PPP6R2: variants seen among roughly 807,000 people sequenced by gnomAD.
PPP6R2 encodes serine/threonine-protein phosphatase 6 regulatory subunit 2.
A neutral mutation model predicts 100.2 loss-of-function variants in PPP6R2; 62 were observed. The ratio of observed to expected loss-of-function variants is 0.62; its 90% CI spans 0.50 to 0.76. The LOEUF (loss-of-function observed/expected upper bound fraction) is 0.76. Ranked by LOEUF, PPP6R2 falls within the 30% of genes least tolerant of loss-of-function variation. The pLI is 0.00. For synonymous variants in PPP6R2, 525 were observed against 514.7 expected, an observed-to-expected ratio of 1.02 and a Z score of -0.27; for missense variants, 1,142 against 1,276.3, an observed-to-expected ratio of 0.89 and a Z score of 1.60.
intron 4 of PPP6R2, among the ~76,000 whole-genome samples, chr22:50,412,355 C>G (rs2059871875): frequency 6.6e-6 from 1 of 151,410 alleles, no homozygotes; most frequent in African/African-American, 2.4e-5. Flanking sequence ...CCACGTCTTG[C>G]TAATTTTTAT....
At chr22:50,409,715 C>G (rs554270662) in intron 4 of PPP6R2, among the ~76,000 whole-genome samples, 1 of 151,786 alleles carries the variant, frequency 6.6e-6, no homozygotes, top group African/African-American at 2.4e-5. Flanking sequence ...CGTAAGCCAC[C>G]GCGCCCGGCC....
chr22:50,423,088 C>T lies in PPP6R2; in HGVS notation c.973-374C>T, dbSNP rs750658319. On this transcript the variant is annotated intron_variant, in intron 9 of 23. Transcript: ENST00000612753. This position sits in a 1 kb window ranked among gnomAD's most constrained non-coding sequence, Gnocchi z 4.8. ...TAGCTTGGTGTTCTGAGATTGTGGC[C>T]GCAGAGGGACCCCCACTGGGCATCC... 2.0e-5 allele frequency among the ~76,000 whole-genome samples: 3 copies of T among 152,126 alleles called. No homozygotes were observed. Among genetic ancestry groups the T allele is most frequent in the South Asian group, 2.1e-4 (1 of 4,824 alleles).
intron 1 of PPP6R2, among the ~76,000 whole-genome samples, chr22:50,354,016 A>G (rs58378930): frequency 0.012 from 1,875 of 152,250 alleles, 30 homozygotes; most frequent in East Asian, 0.062. Context: ...AGAAAAGCTG[A>G]CTGGGAGGCC....
chr22:50,409,291 A>G (rs1445881097), intron 4 of PPP6R2, among the ~76,000 whole-genome samples: 2 of 152,188 alleles, frequency 1.3e-5, no homozygotes, highest in Non-Finnish European at 2.9e-5. Flanking sequence ...ATGAGAGAAA[A>G]TATTTCATGA....
At position 50,444,222 on chromosome 22, in the gene PPP6R2, G is replaced by A. The variant is rs953046788; in HGVS notation, c.2855G>A (p.Gly952Glu). The A allele has an allele frequency of 6.2e-7, 1 of 1,613,068 alleles. No individual in the cohort carries two copies. The highest frequency in any genetic ancestry group is 1.7e-5 in the Admixed American group (1 of 59,928). ...AGGAAGACAGATGCCCCGCCAGAAG[G>A]AGCTGCCTTAAATGGCCCAGTGTGA... ...KDGKTDAPPE[G>E]AALNGPV Residue 952 changes from glycine (G) to glutamate (E), a missense_variant, in exon 24 of 24, where the codon GGA (glycine) becomes GAA (glutamate). By Grantham distance (98) the Gly-to-Glu change is moderately conservative. Around this residue, in one of 2 missense-constraint regions of PPP6R2, gnomAD observed 550 missense variants for 517.4 expected, o/e 1.06. Coordinates refer to ENST00000612753, the MANE Select transcript of PPP6R2 (RefSeq NM_001242898.2).
At chr22:50,338,015 TG>T in the PPP6R2 span, among the ~76,000 whole-genome samples, 11 of 143,206 alleles carry the variant, frequency 7.7e-5, no homozygotes, top group Non-Finnish European at 1.5e-4. Flanking sequence ...ATAGTGTGTG[TG>T]GGGGGTATGT....
chr22:50,372,351 A>C (rs962734943), intron 2 of PPP6R2, among the ~76,000 whole-genome samples: 1 of 152,058 alleles, frequency 6.6e-6, no homozygotes, highest in South Asian at 2.1e-4. Context: ...GGAGTTCGAG[A>C]CCAGCCTGAC....
intron 3 of PPP6R2, 92 bp from the exon 4 acceptor site, chr22:50,406,597 G>C: frequency 8.3e-7 from 1 of 1,210,552 alleles, no homozygotes; most frequent in Middle Eastern, 2.8e-4. Flanking sequence ...GATCACGTGG[G>C]TCTGCTTCCT....
chr22:50,417,694 C>T (rs998451676), intron 6 of PPP6R2, among the ~76,000 whole-genome samples: 5 of 151,930 alleles, frequency 3.3e-5, no homozygotes, highest in African/African-American at 4.8e-5. Context: ...ACAAGGAGGC[C>T]GCCCTGCCTG....
rs369010288 is a variant in PPP6R2 at position 50,440,130 on chromosome 22, G to T, written c.2374+81G>T. 305 of 1,285,868 alleles carry T rather than the reference G, an allele frequency of 2.4e-4. No individual in the cohort carries two copies. In the African/African-American group the frequency reaches 3.9e-3, roughly 16 times the overall value. The allele number at this position is 1,285,868 out of a possible 1,614,324, so 79.7% of individuals were successfully genotyped here. On this transcript the variant is annotated intron_variant, in intron 21 of 23. Transcript: ENST00000612753. ...CAGCTGGCCCCCCTCCTTGGGGGCA[G>T]TGGGAGGAGGTGGCCGGGGCCTCGC...
At chr22:50,351,900 TCTC>T (rs955635869) in intron 1 of PPP6R2, among the ~76,000 whole-genome samples, 10 of 152,168 alleles carry the variant, frequency 6.6e-5, no homozygotes, top group African/African-American at 2.4e-4. Flanking sequence ...TTCATGCCAT[TCTC>T]CTGCCTCAGC....
rs767968050 is a variant in PPP6R2, at chr22:50,418,005, G to A, written c.619-862G>A. On this transcript the variant is annotated intron_variant, in intron 6 of 23. Coordinates refer to ENST00000612753, the MANE Select transcript of PPP6R2 (RefSeq NM_001242898.2). ...GGGGCACGTTCCCATCACGGATTGC[G>A]TGTTAATGTTTCCCTAGAAAAGATG... Among the ~76,000 whole-genome samples the A allele has an allele frequency of 3.3e-5, 5 of 152,202 alleles. No homozygotes were observed. In the East Asian group the frequency reaches 7.7e-4, roughly 23 times the overall value.
rs183556976 is a variant in PPP6R2, at chr22:50,365,360, C to T, written c.-147-6660C>T. ...TGCTGGGATTACAGGTATGAGCCGC[C>T]GTGCCTGGCATGAGATACACTTATA... On this transcript the variant is annotated intron_variant, in intron 1 of 23. Coordinates refer to ENST00000612753, the MANE Select transcript of PPP6R2 (RefSeq NM_001242898.2). 3.2e-4 allele frequency among the ~76,000 whole-genome samples: 48 copies of T among 151,906 alleles called. 1 individual carries two copies. Among genetic ancestry groups the T allele is most frequent in the South Asian group, 2.3e-3 (11 of 4,788 alleles).
At chr22:50,441,452 C>CT (rs2065595771) in intron 22 of PPP6R2, among the ~76,000 whole-genome samples, 3 of 152,178 alleles carry the variant, frequency 2.0e-5, no homozygotes, top group South Asian at 4.1e-4. Flanking sequence ...GGGGCACAGA[C>CT]TTTTAAGTCT....
chr22:50,436,486 G>A (rs372087766), intron 14 of PPP6R2, 34 bp downstream of exon 14: 78 of 1,553,686 alleles, frequency 5.0e-5, no homozygotes, highest in African/African-American at 1.1e-4. Context: ...CTCGGTGCAC[G>A]CACGGTGCTG....
intron 2 of PPP6R2, 178 bp from the exon 3 acceptor site, chr22:50,393,715 C>T: frequency 6.1e-6 from 6 of 985,182 alleles, no homozygotes; most frequent in Non-Finnish European, 7.2e-6. Context: ...CCCCACCATC[C>T]TGAGCTCTGG....
chr22:50,359,384 A>G (rs1212998518), intron 1 of PPP6R2, among the ~76,000 whole-genome samples: 1 of 151,738 alleles, frequency 6.6e-6, no homozygotes, highest in Non-Finnish European at 1.5e-5. Flanking sequence ...GCACCCGGCT[A>G]ATTTTTTGTA....
At chr22:50,369,397 A>G (rs1465837212) in intron 1 of PPP6R2, among the ~76,000 whole-genome samples, 6 of 152,122 alleles carry the variant, frequency 3.9e-5, no homozygotes, top group African/African-American at 7.2e-5. Flanking sequence ...ACACTGACTT[A>G]TCCCTGGGCT....
At chr22:50,389,998 C>CT (rs112025241) in intron 2 of PPP6R2, among the ~76,000 whole-genome samples, 74 of 137,592 alleles carry the variant, frequency 5.4e-4, no homozygotes, top group African/African-American at 9.4e-4. Flanking sequence ...CTTTTTTTTT[C>CT]TTTTTTTTTT....
Sources: gnomAD v4.1 joint callset for allele counts (sites outside exome capture counted in the v4.1 genomes callset) on GRCh38, gnomAD v4.1.1 for gene constraint, gnomAD v4.1.1 regional missense constraint, Gnocchi (gnomAD v3.1) non-coding constraint, MANE v1.5 for transcripts, NCBI Gene and HGNC (gene_info 2026-07-23, HGNC 2026-07-21) for gene names.